TMUB1: variants seen among roughly 807,000 people sequenced by gnomAD.
The protein encoded by TMUB1 is transmembrane and ubiquitin-like domain-containing protein 1.
A neutral mutation model predicts 16.2 loss-of-function variants in TMUB1; 9 were observed. The ratio of observed to expected loss-of-function variants is 0.55; its 90% confidence interval spans 0.33 to 0.97. The LOEUF is 0.97. Among genes scored for constraint, TMUB1 ranks in the 50% least tolerant of loss-of-function variants. The pLI, the probability that TMUB1 is intolerant of heterozygous loss-of-function variation, is 0.03. For synonymous variants in TMUB1, 155 were observed against 152.2 expected (o/e 1.02, Z -0.13); for missense variants, 309 against 313.5 (o/e 0.99, Z 0.11).
Position 151,082,775 on chromosome 7 carries a change from C to G in TMUB1, c.-30-182G>C. The G allele has an allele frequency of 2.3e-6, 1 of 427,314 alleles. No individual in the cohort carries two copies. Among genetic ancestry groups the G allele is most frequent in the Non-Finnish European group, 4.0e-6 (1 of 249,126 alleles). 26.5% of individuals were successfully genotyped at this position (427,314 alleles called of 1,614,324 possible). The stretch of plus-strand genomic sequence containing the variant: ...CGCCCCAAACTTGCCTCCGGGTGCC[C>G]CTTCCCATCGCCGAATCCCAAGTCC... On this transcript the variant is annotated intron_variant, in intron 1 of 2. Transcript: ENST00000297533. The surrounding 1 kb of genome is among the most constrained non-coding windows in gnomAD (Gnocchi z 7.0).
In TMUB1 at chr7:151,081,510, C is replaced by T; in HGVS notation, c.*39G>A. On this transcript the variant is annotated 3_prime_UTR_variant, in exon 3 of 3. Transcript: ENST00000297533. The surrounding 1 kb of genome is among the most constrained non-coding windows in gnomAD (Gnocchi z 7.6). Reference sequence around the variant, plus strand: ...CCGCCGCGGCGCGGGGAGCAAGGTCCGGAGGGGCCGGCGACGCTGCCAAGC... The same window carrying T: ...CCGCCGCGGCGCGGGGAGCAAGGTCTGGAGGGGCCGGCGACGCTGCCAAGC... 2 of 1,500,450 alleles carry T rather than the reference C, an allele frequency of 1.3e-6. No homozygotes were observed. Among genetic ancestry groups the T allele is most frequent in the Non-Finnish European group, 1.8e-6 (2 of 1,121,800 alleles). 92.9% of individuals were successfully genotyped at this position (1,500,450 alleles called of 1,614,324 possible).
At position 151,082,730 on chromosome 7, in the gene TMUB1, C is replaced by T. The variant is rs962259353; in HGVS notation, c.-30-137G>A. ...CGTCCCCTCACCCACCCCAGGGTAC[C>T]GGCTTCTCTGCCTCCCAGTCGCCCC... On this transcript the variant is annotated intron_variant, in intron 1 of 2. Coordinates refer to ENST00000297533, the MANE Select transcript of TMUB1 (RefSeq NM_001136044.2). This position sits in a 1 kb window ranked among gnomAD's most constrained non-coding sequence, Gnocchi z 7.0. 3 of 644,078 alleles carry T rather than the reference C, an allele frequency of 4.7e-6. No homozygotes were observed. Among genetic ancestry groups the T allele is most frequent in the Non-Finnish European group, 4.5e-6 (2 of 443,862 alleles). 39.9% of individuals were successfully genotyped at this position (644,078 alleles called of 1,614,324 possible).
At position 151,081,405 on chromosome 7, in the gene TMUB1, G is replaced by T. The variant is rs1444449018; in HGVS notation, c.*144C>A. Reference sequence around the variant, plus strand: ...GGCGGGGCCTCCGCCAGTCCCGGGAGTCCTCTGCGGCGCAGGGCTGGGCTC... The same window carrying T: ...GGCGGGGCCTCCGCCAGTCCCGGGATTCCTCTGCGGCGCAGGGCTGGGCTC... On this transcript the variant is annotated 3_prime_UTR_variant, in exon 3 of 3. Coordinates refer to ENST00000297533, the MANE Select transcript of TMUB1 (RefSeq NM_001136044.2). This position sits in a 1 kb window ranked among gnomAD's most constrained non-coding sequence, Gnocchi z 7.6. The T allele has an allele frequency of 1.4e-5, 17 of 1,258,812 alleles. No homozygotes were observed. In the South Asian group the frequency reaches 4.8e-4, roughly 35 times the overall value. 78.0% of individuals were successfully genotyped at this position (1,258,812 alleles called of 1,614,324 possible). A position where few individuals can be genotyped will look rare whatever the true frequency, so the allele number is the denominator to read the frequency against.
rs1798003619 is a variant in TMUB1, at chr7:151,081,960, C to G, written c.390-60G>C. On this transcript the variant is annotated intron_variant, in intron 2 of 2. Coordinates refer to ENST00000297533, the MANE Select transcript of TMUB1 (RefSeq NM_001136044.2). This position sits in a 1 kb window ranked among gnomAD's most constrained non-coding sequence, Gnocchi z 7.6. ...CTCAGGCAATCCTAGTCCCTGGCCC[C>G]GGAACAGCACTCCCACCCTCCCCCT... 32 of 1,435,564 alleles carry G rather than the reference C, an allele frequency of 2.2e-5. No individual in the cohort carries two copies. The highest frequency in any genetic ancestry group is 2.8e-5 in the Non-Finnish European group (30 of 1,088,564). The allele number at this position is 1,435,564 out of a possible 1,614,324, so 88.9% of individuals were successfully genotyped here. A position where few individuals can be genotyped will look rare whatever the true frequency, so the allele number is the denominator to read the frequency against.
At position 151,081,689 on chromosome 7, in the gene TMUB1, G is replaced by A; in HGVS notation, c.601C>T (p.Pro201Ser). 6.3e-7 allele frequency: 1 copy of A among 1,584,744 alleles called. No homozygotes were observed. Among genetic ancestry groups the A allele is most frequent in the Non-Finnish European group, 8.6e-7 (1 of 1,165,966 alleles). The change falls in exon 3 of 3, where the codon CCC (proline) becomes TCC (serine). Residue 201 changes from proline to serine, a missense_variant. Physicochemically the swap from Pro to Ser is moderately conservative, Grantham distance 74. Transcript: ENST00000297533. The surrounding 1 kb of genome is among the most constrained non-coding windows in gnomAD (Gnocchi z 7.6). ...AGCAGCAACAGCAGGAGCAGCAGGGGCAGCAGCAGGCTGCCGATTTCCAGC... is the reference window on the plus strand; with the variant it reads ...AGCAGCAACAGCAGGAGCAGCAGGGACAGCAGCAGGCTGCCGATTTCCAGC... ...SGLEIGSLLL[P>S]LLLLLLLLLW... is the part of the protein sequence containing the mutation.
chr7:151,081,774 G>C lies in TMUB1; in HGVS notation c.516C>G (p.Ser172=), dbSNP rs760935402. ...PPNCVLHCHV[S]TRVGPPNPPC... Reference sequence around the variant, plus strand: ...GGGGATTTGGGGGACCGACTCTCGTGGACACGTGGCAGTGGAGAACGCAGT... The same window carrying C: ...GGGGATTTGGGGGACCGACTCTCGTCGACACGTGGCAGTGGAGAACGCAGT... Residue 172 remains serine, a synonymous_variant, in exon 3 of 3, where the codon TCC becomes TCG. Coordinates refer to ENST00000297533, the MANE Select transcript of TMUB1 (RefSeq NM_001136044.2). The surrounding 1 kb of genome is among the most constrained non-coding windows in gnomAD (Gnocchi z 7.6). The C allele has an allele frequency of 4.4e-6, 7 of 1,595,820 alleles. 1 individual carries two copies. In the Middle Eastern group the frequency reaches 1.0e-3, roughly 227 times the overall value.
In TMUB1 at chr7:151,081,833, T is replaced by A; in HGVS notation, c.457A>T (p.Thr153Ser). 2 of 1,536,192 alleles carry A rather than the reference T, an allele frequency of 1.3e-6. No homozygotes were observed. Among genetic ancestry groups the A allele is most frequent in the South Asian group, 2.5e-5 (2 of 79,612 alleles). ...AGGTGAAGGCTGCCCAGGGTCTGGG[T>A]GTCGTCGCCTAGCAGCTGCCCTTGG... ...IYQGQLLGDD[T>S]QTLGSLHLPP... The change falls in exon 3 of 3, where the codon ACC becomes TCC. Residue 153 changes from threonine (T) to serine (S), a missense_variant. Coordinates refer to ENST00000297533, the MANE Select transcript of TMUB1 (RefSeq NM_001136044.2). The surrounding 1 kb of genome is among the most constrained non-coding windows in gnomAD (Gnocchi z 7.6).
rs1387357205 is a variant in TMUB1 at position 151,082,477 on chromosome 7, G to A, written c.87C>T (p.Val29=). ...ACLLVLALAW[V]STHTAEGGDP... is the part of the protein sequence containing the mutation. Reference sequence around the variant, plus strand: ...CCCCGCCCTCAGCGGTGTGCGTTGAGACCCAGGCAAGGGCCAGCACCAGAA... The same window carrying A: ...CCCCGCCCTCAGCGGTGTGCGTTGAAACCCAGGCAAGGGCCAGCACCAGAA... The change falls in exon 2 of 3, where the codon GTC becomes GTT. Residue 29 remains valine, a synonymous_variant. Transcript: ENST00000297533. The surrounding 1 kb of genome is among the most constrained non-coding windows in gnomAD (Gnocchi z 7.0). 1 of 1,593,964 alleles carries A rather than the reference G, an allele frequency of 6.3e-7. No individual in the cohort carries two copies. Among genetic ancestry groups the A allele is most frequent in the East Asian group, 2.3e-5 (1 of 44,076 alleles).
chr7:151,082,853 A>C lies in TMUB1; in HGVS notation c.-30-260T>G. On this transcript the variant is annotated intron_variant, in intron 1 of 2. Coordinates refer to ENST00000297533, the MANE Select transcript of TMUB1 (RefSeq NM_001136044.2). This position sits in a 1 kb window ranked among gnomAD's most constrained non-coding sequence, Gnocchi z 7.0. ...CTTCAACCAGCTCCCAACTCACCCA[A>C]ACCCTATCCCAAGGTAAGGGCCTAA... is the stretch of plus-strand genomic sequence containing the variant. 2.9e-6 allele frequency: 1 copy of C among 348,922 alleles called. No individual in the cohort carries two copies. The allele number at this position is 348,922 out of a possible 1,614,324, so 21.6% of individuals were successfully genotyped here. A position where few individuals can be genotyped will look rare whatever the true frequency, so the allele number is the denominator to read the frequency against.
chr7:151,082,201 G>A lies in TMUB1; in HGVS notation c.363C>T (p.Pro121=), dbSNP rs531366465. 2.7e-5 allele frequency: 41 copies of A among 1,513,406 alleles called. No individual in the cohort carries two copies. The Admixed American group carries it at 9.1e-4, about 33-fold the overall frequency. 93.7% of individuals were successfully genotyped at this position (1,513,406 alleles called of 1,614,324 possible). A position where few individuals can be genotyped will look rare whatever the true frequency, so the allele number is the denominator to read the frequency against. The change falls in exon 2 of 3, where the codon CCC becomes CCT. Residue 121 remains proline (P), a synonymous_variant. Coordinates refer to ENST00000297533, the MANE Select transcript of TMUB1 (RefSeq NM_001136044.2). This position sits in a 1 kb window ranked among gnomAD's most constrained non-coding sequence, Gnocchi z 7.0. ...NDSEQVARAW[P]HDTIGSLKRT... ...TTTTCAAGGAGCCAATGGTGTCGTG[G>A]GGCCAGGCCCTGGCCACCTGCTCTG...
chr7:151,082,346 C>G lies in TMUB1; in HGVS notation c.218G>C (p.Ser73Thr), dbSNP rs778533202. The G allele has an allele frequency of 4.4e-6, 7 of 1,597,368 alleles. No homozygotes were observed. Among genetic ancestry groups the G allele is most frequent in the Admixed American group, 1.7e-5 (1 of 57,742 alleles). The change falls in exon 2 of 3, where the codon AGC becomes ACC. Residue 73 changes from serine to threonine, a missense_variant. Coordinates refer to ENST00000297533, the MANE Select transcript of TMUB1 (RefSeq NM_001136044.2). This position sits in a 1 kb window ranked among gnomAD's most constrained non-coding sequence, Gnocchi z 7.0. ...RGEAPGAETPSLRHRGQAAQP... is the reference protein window; with the variant it reads ...RGEAPGAETPTLRHRGQAAQP... ...TGCAGCTTGACCTCTGTGTCTCAGG[C>G]TGGGGGTCTCTGCCCCTGGGGCCTC...
Position 151,082,387 on chromosome 7 carries a change from G to C in TMUB1, c.177C>G (p.Thr59=). ...CTGGGGCCTCCCCTCTCATGCTGTC[G>C]GTAGCTGCCATGGCTGCGCTGGGCT... ...PSQPSAAMAA[T]DSMRGEAPGA... The change falls in exon 2 of 3, where the codon ACC becomes ACG. Residue 59 remains threonine (T), a synonymous_variant. Transcript: ENST00000297533. The surrounding 1 kb of genome is among the most constrained non-coding windows in gnomAD (Gnocchi z 7.0). The C allele has an allele frequency of 3.1e-6, 5 of 1,602,380 alleles. No homozygotes were observed. Among genetic ancestry groups the C allele is most frequent in the Middle Eastern group, 1.7e-4 (1 of 6,004 alleles).
rs756628046 is a variant in TMUB1 at position 151,081,525 on chromosome 7, CG to C, written c.*23del. 5.9e-6 allele frequency: 9 copies of C among 1,537,394 alleles called. No individual in the cohort carries two copies. In the African/African-American group the frequency reaches 1.1e-4, roughly 19 times the overall value. ...GAGCAAGGTCCGGAGGGGCCGGCGA[CG>C]CTGCCAAGCGCCCGCGGAGGCACTA... is the stretch of plus-strand genomic sequence containing the variant. On this transcript the variant is annotated 3_prime_UTR_variant, in exon 3 of 3. Transcript: ENST00000297533. The surrounding 1 kb of genome is among the most constrained non-coding windows in gnomAD (Gnocchi z 7.6).
At position 151,081,994 on chromosome 7, in the gene TMUB1, C is replaced by T; in HGVS notation, c.390-94G>A. 1 of 1,413,186 alleles carries T rather than the reference C, an allele frequency of 7.1e-7. No homozygotes were observed. Among genetic ancestry groups the T allele is most frequent in the Non-Finnish European group, 9.4e-7 (1 of 1,064,260 alleles). 87.5% of individuals were successfully genotyped at this position (1,413,186 alleles called of 1,614,324 possible). On this transcript the variant is annotated intron_variant, in intron 2 of 2. Transcript: ENST00000297533. This position sits in a 1 kb window ranked among gnomAD's most constrained non-coding sequence, Gnocchi z 7.6. The stretch of plus-strand genomic sequence containing the variant: ...ACTCCCACCCTCCCCCTGCCCTCCA[C>T]AACACACCGGCCCTGGCCTGGGAGG...
Position 151,082,758 on chromosome 7 carries a change from A to C in TMUB1, c.-30-165T>G. ...CTTCTCTGCCTCCCAGTCGCCCCAA[A>C]CTTGCCTCCGGGTGCCCCTTCCCAT... is the stretch of plus-strand genomic sequence containing the variant. On this transcript the variant is annotated intron_variant, in intron 1 of 2. Transcript: ENST00000297533. The surrounding 1 kb of genome is among the most constrained non-coding windows in gnomAD (Gnocchi z 7.0). 4.1e-6 allele frequency: 2 copies of C among 482,106 alleles called. No homozygotes were observed. The highest frequency in any genetic ancestry group is 6.7e-6 in the Non-Finnish European group (2 of 298,834). 29.9% of individuals were successfully genotyped at this position (482,106 alleles called of 1,614,324 possible). A position where few individuals can be genotyped will look rare whatever the true frequency, so the allele number is the denominator to read the frequency against.
rs1037124985 is a variant in TMUB1 at position 151,082,104 on chromosome 7, T to C, written c.389+71A>G. 35 of 1,482,244 alleles carry C rather than the reference T, an allele frequency of 2.4e-5. No homozygotes were observed. The African/African-American group carries it at 4.2e-4, about 18-fold the overall frequency. 91.8% of individuals were successfully genotyped at this position (1,482,244 alleles called of 1,614,324 possible). A position where few individuals can be genotyped will look rare whatever the true frequency, so the allele number is the denominator to read the frequency against. On this transcript the variant is annotated intron_variant, in intron 2 of 2. Coordinates refer to ENST00000297533, the MANE Select transcript of TMUB1 (RefSeq NM_001136044.2). The surrounding 1 kb of genome is among the most constrained non-coding windows in gnomAD (Gnocchi z 7.0). ...AAAGGAGGGCTGGGTCTTAGGTGTC[T>C]CTGGGGGCCTTCTGCGACCACTCTC...
Position 151,082,632 on chromosome 7 carries a change from T to G in TMUB1, c.-30-39A>C. Reference sequence around the variant, plus strand: ...AAGAGCCCGTGAGGCCCGGGCCCCCTGGCCAGGAGCCCTGGAACCTCCACA... The same window carrying G: ...AAGAGCCCGTGAGGCCCGGGCCCCCGGGCCAGGAGCCCTGGAACCTCCACA... On this transcript the variant is annotated intron_variant, in intron 1 of 2. Transcript: ENST00000297533. The surrounding 1 kb of genome is among the most constrained non-coding windows in gnomAD (Gnocchi z 7.0). 7.0e-7 allele frequency: 1 copy of G among 1,428,294 alleles called. No individual in the cohort carries two copies. Among genetic ancestry groups the G allele is most frequent in the Non-Finnish European group, 9.2e-7 (1 of 1,085,902 alleles). The allele number at this position is 1,428,294 out of a possible 1,614,324, so 88.5% of individuals were successfully genotyped here.
Position 151,081,419 on chromosome 7 carries a change from A to G in TMUB1, c.*130T>C, listed in dbSNP as rs1797980979. ...CAGTCCCGGGAGTCCTCTGCGGCGCAGGGCTGGGCTCCAGGGCGGCGGGAA... is the reference window on the plus strand; with the variant it reads ...CAGTCCCGGGAGTCCTCTGCGGCGCGGGGCTGGGCTCCAGGGCGGCGGGAA... On this transcript the variant is annotated 3_prime_UTR_variant, in exon 3 of 3. Transcript: ENST00000297533. This position sits in a 1 kb window ranked among gnomAD's most constrained non-coding sequence, Gnocchi z 7.6. 1.5e-6 allele frequency: 2 copies of G among 1,305,058 alleles called. No homozygotes were observed. Among genetic ancestry groups the G allele is most frequent in the Non-Finnish European group, 9.7e-7 (1 of 1,026,984 alleles). The allele number at this position is 1,305,058 out of a possible 1,614,324, so 80.8% of individuals were successfully genotyped here.
chr7:151,081,419 A>T lies in TMUB1; in HGVS notation c.*130T>A. 1 of 1,305,166 alleles carries T rather than the reference A, an allele frequency of 7.7e-7. No homozygotes were observed. Among genetic ancestry groups the T allele is most frequent in the Non-Finnish European group, 9.7e-7 (1 of 1,026,976 alleles). 80.8% of individuals were successfully genotyped at this position (1,305,166 alleles called of 1,614,324 possible). ...CAGTCCCGGGAGTCCTCTGCGGCGC[A>T]GGGCTGGGCTCCAGGGCGGCGGGAA... On this transcript the variant is annotated 3_prime_UTR_variant, in exon 3 of 3. Transcript: ENST00000297533. The surrounding 1 kb of genome is among the most constrained non-coding windows in gnomAD (Gnocchi z 7.6).
Sources: allele counts gnomAD v4.1 joint callset, GRCh38; gene constraint gnomAD v4.1.1; non-coding constraint Gnocchi (gnomAD v3.1); transcripts MANE v1.5; gene names NCBI Gene and HGNC (gene_info 2026-07-23, HGNC 2026-07-21).